Variants in PGCKA1 observed in about 807,000 individuals in gnomAD.
The protein encoded by PGCKA1 is PDCD10 and GCKIII kinases-associated protein 1.
At chr4:37,590,250 G>C in the PGCKA1 span, 1 of 1,614,214 alleles carries the variant, frequency 6.2e-7, no homozygotes, top group Non-Finnish European at 8.5e-7. Flanking sequence ...AGAAGACTGA[G>C]AGCAGCAGCA....
At chr4:37,499,754 C>G in the PGCKA1 span, among the ~76,000 whole-genome samples, 1 of 151,682 alleles carries the variant, frequency 6.6e-6, no homozygotes, top group South Asian at 2.1e-4. Flanking sequence ...AAACACACTT[C>G]TAGATTCATT....
chr4:37,573,401 A>G, the PGCKA1 span, among the ~76,000 whole-genome samples: 37,178 of 152,140 alleles, frequency 0.24, 4,617 homozygotes, highest in South Asian at 0.34. Context: ...CAGTGGCAGA[A>G]TCAGGATATG....
the PGCKA1 span, among the ~76,000 whole-genome samples, chr4:37,533,176 G>C: frequency 0.19 from 28,755 of 152,084 alleles, 3,146 homozygotes; most frequent in African/African-American, 0.27. Context: ...CTATTTCCAA[G>C]TATCTTTGGC....
At chr4:37,471,593 G>A in the PGCKA1 span, among the ~76,000 whole-genome samples, 2 of 152,070 alleles carry the variant, frequency 1.3e-5, no homozygotes, top group Non-Finnish European at 1.5e-5. Flanking sequence ...TGGGAAAGAG[G>A]AACATTAAAT....
At chr4:37,526,720 C>T in the PGCKA1 span, among the ~76,000 whole-genome samples, 8 of 152,106 alleles carry the variant, frequency 5.3e-5, no homozygotes, top group South Asian at 2.1e-4. Context: ...ACATACCTGC[C>T]GCACTTCTGG....
At chr4:37,569,104 A>T in the PGCKA1 span, among the ~76,000 whole-genome samples, 1 of 152,018 alleles carries the variant, frequency 6.6e-6, no homozygotes, top group African/African-American at 2.4e-5. Flanking sequence ...CTCAAAAAAA[A>T]AGGGGGGGAG....
At chr4:37,510,392 G>A in the PGCKA1 span, among the ~76,000 whole-genome samples, 5 of 152,096 alleles carry the variant, frequency 3.3e-5, no homozygotes, top group Admixed American at 6.5e-5. Context: ...TTTGGATGCC[G>A]TGACCTAATC....
chr4:37,591,045 A>T, the PGCKA1 span: 2 of 1,514,408 alleles, frequency 1.3e-6, no homozygotes, highest in Admixed American at 1.9e-5. Context: ...CATGCTGAGC[A>T]TGCAGATGCA....
At chr4:37,505,001 T>A in the PGCKA1 span, among the ~76,000 whole-genome samples, 2 of 152,210 alleles carry the variant, frequency 1.3e-5, no homozygotes, top group Non-Finnish European at 2.9e-5. Flanking sequence ...ATGTTCCAGA[T>A]CTTAGAGGAA....
the PGCKA1 span, among the ~76,000 whole-genome samples, chr4:37,518,640 TG>T: frequency 6.6e-6 from 1 of 152,222 alleles, no homozygotes; most frequent in African/African-American, 2.4e-5. Flanking sequence ...CCTATAGAGT[TG>T]TTTGAGGTCC....
the PGCKA1 span, among the ~76,000 whole-genome samples, chr4:37,507,559 ACT>A: frequency 3.3e-5 from 5 of 151,628 alleles, no homozygotes; most frequent in African/African-American, 4.8e-5. Context: ...AGTAACCCTA[ACT>A]CTATATTTTA....
At chr4:37,507,761 T>C in the PGCKA1 span, among the ~76,000 whole-genome samples, 1 of 152,192 alleles carries the variant, frequency 6.6e-6, no homozygotes, top group African/African-American at 2.4e-5. Flanking sequence ...GTGCTTATGA[T>C]TACCAATTAG....
At chr4:37,517,978 A>AT in the PGCKA1 span, among the ~76,000 whole-genome samples, 1 of 152,026 alleles carries the variant, frequency 6.6e-6, no homozygotes, top group African/African-American at 2.4e-5. Flanking sequence ...AATTGTTTTG[A>AT]TTTTTAGATC....
At chr4:37,458,280 T>C in the PGCKA1 span, among the ~76,000 whole-genome samples, 11 of 152,222 alleles carry the variant, frequency 7.2e-5, no homozygotes, top group Non-Finnish European at 1.6e-4. Context: ...GTTAGTACTA[T>C]GAAAAACTCA....
At chr4:37,467,073 G>T in the PGCKA1 span, among the ~76,000 whole-genome samples, 1 of 152,162 alleles carries the variant, frequency 6.6e-6, no homozygotes, top group African/African-American at 2.4e-5. Flanking sequence ...ACTCCAGCCT[G>T]GGTGACACAG....
chr4:37,525,290 C>T, the PGCKA1 span, among the ~76,000 whole-genome samples: 1 of 152,170 alleles, frequency 6.6e-6, no homozygotes, highest in Non-Finnish European at 1.5e-5. Context: ...CAGTCAGCTA[C>T]ATAGCCAATG....
chr4:37,466,819 C>T, the PGCKA1 span, among the ~76,000 whole-genome samples: 2 of 152,240 alleles, frequency 1.3e-5, no homozygotes, highest in Admixed American at 6.5e-5. Flanking sequence ...ATATGTAGGC[C>T]AAGCACGCTG....
At chr4:37,515,813 G>A in the PGCKA1 span, among the ~76,000 whole-genome samples, 2 of 152,170 alleles carry the variant, frequency 1.3e-5, no homozygotes, top group Non-Finnish European at 2.9e-5. Context: ...AAAAATAACT[G>A]AGCAAAATGA....
the PGCKA1 span, among the ~76,000 whole-genome samples, chr4:37,520,369 G>A: frequency 6.6e-6 from 1 of 152,176 alleles, no homozygotes; most frequent in Non-Finnish European, 1.5e-5. Context: ...AATTACAGTA[G>A]TGAAGCCATC....
Sources: gnomAD v4.1 joint callset for allele counts (sites outside exome capture counted in the v4.1 genomes callset) on GRCh38, gnomAD v4.1.1 for gene constraint, MANE v1.5 for transcripts, NCBI Gene and HGNC (gene_info 2026-07-23, HGNC 2026-07-21) for gene names.